The following SLC4A4 variants were observed in gnomAD, a reference collection of about 807,000 sequenced individuals.
SLC4A4 encodes the protein electrogenic sodium bicarbonate cotransporter 1.
In SLC4A4, 27 loss-of-function variants were observed where a neutral mutation model predicts 111.5. The observed-to-expected ratio is 0.24, with a 90% confidence interval of 0.18 to 0.33. The LOEUF is 0.33. Among genes scored for constraint, SLC4A4 ranks in the 10% least tolerant of loss-of-function variants. The probability of loss-of-function intolerance (pLI) is 1.00; values close to 1 mark genes in which losing one functional copy is unlikely to be tolerated. For missense variants in SLC4A4, 909 were observed against 1,315.5 expected (o/e 0.69, Z 4.78); for synonymous variants, 443 against 463.4 (o/e 0.96, Z 0.57).
intron 2 of SLC4A4, among the ~76,000 whole-genome samples, chr4:71,180,365 C>G (rs1745249194): frequency 6.6e-6 from 1 of 152,142 alleles, no homozygotes; most frequent in Non-Finnish European, 1.5e-5. Context: ...TCTAATTAAA[C>G]TAAAGAGCTT....
intron 2 of SLC4A4, among the ~76,000 whole-genome samples, chr4:71,238,141 G>C (rs1054416462): frequency 5.9e-5 from 9 of 152,180 alleles, no homozygotes; most frequent in African/African-American, 2.2e-4. Flanking sequence ...ATAGTTTTAA[G>C]ACAATTGAAG....
intron 5 of SLC4A4, among the ~76,000 whole-genome samples, chr4:71,351,813 C>G (rs1307218961): frequency 6.6e-6 from 1 of 152,200 alleles, no homozygotes; most frequent in Admixed American, 6.5e-5. Context: ...GTGCCAGACA[C>G]TGTTCTAGGC....
chr4:71,249,984 G>C (rs752039707), intron 2 of SLC4A4, among the ~76,000 whole-genome samples: 7 of 152,034 alleles, frequency 4.6e-5, no homozygotes, highest in African/African-American at 7.2e-5. Context: ...AGTGTCCACT[G>C]TGCCTGGACT....
intron 3 of SLC4A4, among the ~76,000 whole-genome samples, chr4:71,277,061 C>A (rs548059592): frequency 7.2e-5 from 11 of 152,110 alleles, no homozygotes; most frequent in African/African-American, 2.7e-4. Context: ...AAACAAAAAA[C>A]AAAACAAAAC....
intron 14 of SLC4A4, among the ~76,000 whole-genome samples, chr4:71,484,207 G>T (rs1186567766): frequency 6.6e-6 from 1 of 151,760 alleles, no homozygotes; most frequent in Non-Finnish European, 1.5e-5. Flanking sequence ...TTTTGCTTTT[G>T]TTGCAATTGC....
chr4:71,289,672 T>C (rs1420048481), intron 3 of SLC4A4, among the ~76,000 whole-genome samples: 1 of 152,042 alleles, frequency 6.6e-6, no homozygotes, highest in Non-Finnish European at 1.5e-5. Context: ...GAATTTTGAA[T>C]TGGGTAACGA....
intron 7 of SLC4A4, among the ~76,000 whole-genome samples, chr4:71,398,716 T>C (rs1374699636): frequency 6.6e-6 from 1 of 152,210 alleles, no homozygotes; most frequent in Non-Finnish European, 1.5e-5. Context: ...CTGGTCTTGC[T>C]ACTTGTTCCA....
intron 21 of SLC4A4, among the ~76,000 whole-genome samples, chr4:71,555,512 A>G (rs182046421): frequency 5.4e-4 from 82 of 151,900 alleles, no homozygotes; most frequent in African/African-American, 2.0e-3. Context: ...TCTCCTTTTT[A>G]CTGTCTCAGG....
chr4:71,547,905 A>T (rs922282872), intron 20 of SLC4A4, among the ~76,000 whole-genome samples, 185 bp downstream of exon 20: 6 of 151,904 alleles, frequency 3.9e-5, no homozygotes, highest in Non-Finnish European at 7.4e-5. Flanking sequence ...TCACTCTTTC[A>T]TCCCCTCCCT....
At chr4:71,149,704 C>T (rs1334713804) in intron 2 of SLC4A4, among the ~76,000 whole-genome samples, 1 of 152,154 alleles carries the variant, frequency 6.6e-6, no homozygotes, top group Non-Finnish European at 1.5e-5. Flanking sequence ...TTTCCTTTTA[C>T]CTTCTGAGGC....
intron 9 of SLC4A4, among the ~76,000 whole-genome samples, chr4:71,449,676 T>A (rs1725582979): frequency 6.6e-6 from 1 of 152,224 alleles, no homozygotes; most frequent in Admixed American, 6.5e-5. Context: ...TATGAAAGAC[T>A]TAGGTTATAT....
intron 6 of SLC4A4, among the ~76,000 whole-genome samples, chr4:71,363,466 T>A (rs1436818612): frequency 6.6e-6 from 1 of 152,194 alleles, no homozygotes; most frequent in African/African-American, 2.4e-5. Context: ...CTTGCCCATT[T>A]GTCTCAGGCT....
chr4:71,413,025 A>G (rs1721506060), intron 7 of SLC4A4, among the ~76,000 whole-genome samples: 2 of 152,206 alleles, frequency 1.3e-5, no homozygotes. Flanking sequence ...AAGCCCCCAG[A>G]TGCAGATGAA....
chr4:71,229,812 GTTTTTTT>G (rs546659911), intron 1 of SLC4A4, among the ~76,000 whole-genome samples: 3 of 124,354 alleles, frequency 2.4e-5, no homozygotes, highest in Non-Finnish European at 5.1e-5. Flanking sequence ...CCCCTGCGAA[GTTTTTTT>G]TTTTTTTTTT....
intron 16 of SLC4A4, among the ~76,000 whole-genome samples, chr4:71,518,264 G>A (rs1409296336): frequency 6.6e-6 from 1 of 152,102 alleles, no homozygotes; most frequent in Non-Finnish European, 1.5e-5. Flanking sequence ...GGCTATTGTG[G>A]GTCATGCAAC....
intron 4 of SLC4A4, among the ~76,000 whole-genome samples, chr4:71,349,406 T>A (rs1729614087): frequency 6.6e-6 from 1 of 152,130 alleles, no homozygotes; most frequent in Non-Finnish European, 1.5e-5. Flanking sequence ...TAAAACGAAA[T>A]TTTACATTCA....
chr4:71,389,506 A>C (rs1214289278), intron 6 of SLC4A4, among the ~76,000 whole-genome samples: 1 of 151,964 alleles, frequency 6.6e-6, no homozygotes, highest in Non-Finnish European at 1.5e-5. Context: ...CTTTGCAGGG[A>C]ATTTCTCTTT....
chr4:71,294,720 A>G (rs2148830434), intron 3 of SLC4A4, among the ~76,000 whole-genome samples: 1 of 152,328 alleles, frequency 6.6e-6, no homozygotes, highest in African/African-American at 2.4e-5. Flanking sequence ...CCCTTTATCA[A>G]ACTGATTTCT....
chr4:71,150,605 A>T (rs2148971669), intron 2 of SLC4A4, among the ~76,000 whole-genome samples: 1 of 152,318 alleles, frequency 6.6e-6, no homozygotes, highest in South Asian at 2.1e-4. Context: ...ACAAGCAGAA[A>T]AGATGATTTA....
Sources: gnomAD v4.1 joint callset for allele counts (sites outside exome capture counted in the v4.1 genomes callset) on GRCh38, gnomAD v4.1.1 for gene constraint, MANE v1.5 for transcripts, NCBI Gene and HGNC (gene_info 2026-07-23, HGNC 2026-07-21) for gene names.